Variants in PRR16 observed in about 807,000 individuals in gnomAD.
The protein encoded by PRR16 is proline rich 16, also known as protein Largen.
In PRR16, 6 loss-of-function variants were observed where a neutral mutation model predicts 18.2. That is an observed-to-expected ratio of 0.33 (90% confidence interval 0.18 to 0.65). The LOEUF (loss-of-function observed/expected upper bound fraction) is 0.65, where lower values mean the gene tolerates loss of function less well. Among genes scored for constraint, PRR16 ranks in the 30% least tolerant of loss-of-function variants. PRR16 has a pLI of 0.74. For missense variants in PRR16, 412 were observed against 376.6 expected (o/e 1.09, Z -0.78); for synonymous variants, 151 against 147.8 (o/e 1.02, Z -0.16).
At chr5:120,688,384 G>T (rs538068011), downstream of PRR16, among the ~76,000 whole-genome samples, 1 of 152,214 alleles carries the variant, frequency 6.6e-6, no homozygotes, top group South Asian at 2.1e-4. Context: ...TAATCAGAAA[G>T]TTACAAAACA....
chr5:120,709,833 A>G, the PRR16 span, among the ~76,000 whole-genome samples: 12 of 152,210 alleles, frequency 7.9e-5, no homozygotes, highest in Non-Finnish European at 1.3e-4. Flanking sequence ...TTATTGCTCA[A>G]TAATATTCCA....
intron 1 of PRR16, among the ~76,000 whole-genome samples, chr5:120,593,202 T>C (rs1753693876): frequency 6.6e-6 from 1 of 151,770 alleles, no homozygotes; most frequent in Non-Finnish European, 1.5e-5. Context: ...GGAAAAACCA[T>C]ACAAAAGATG....
chr5:120,744,569 G>T, the PRR16 span, among the ~76,000 whole-genome samples: 1 of 152,168 alleles, frequency 6.6e-6, no homozygotes. Context: ...TGGCCCAGCA[G>T]TTACAATATT....
chr5:120,698,094 C>T, the PRR16 span, among the ~76,000 whole-genome samples: 8,860 of 151,832 alleles, frequency 0.058, 324 homozygotes, highest in South Asian at 0.088. Context: ...ATTGTTGGGG[C>T]GGCGAAAACT....
chr5:120,559,303 A>G (rs906475328), intron 1 of PRR16, among the ~76,000 whole-genome samples: 1 of 151,936 alleles, frequency 6.6e-6, no homozygotes, highest in African/African-American at 2.4e-5. Flanking sequence ...TCTTTAATCC[A>G]TTTTGATTGG....
At chr5:120,537,435 C>CACATG (rs1253903927) in intron 1 of PRR16, among the ~76,000 whole-genome samples, 1 of 152,122 alleles carries the variant, frequency 6.6e-6, no homozygotes, top group Non-Finnish European at 1.5e-5. Flanking sequence ...TACTACAGTA[C>CACATG]ACATGTTGCA....
At chr5:120,697,524 G>C in the PRR16 span, among the ~76,000 whole-genome samples, 1 of 152,108 alleles carries the variant, frequency 6.6e-6, no homozygotes, top group South Asian at 2.1e-4. Context: ...TTTTAGTATG[G>C]TTATGTTCAG....
the PRR16 span, among the ~76,000 whole-genome samples, chr5:120,775,014 T>A: frequency 6.6e-6 from 1 of 152,160 alleles, no homozygotes; most frequent in Non-Finnish European, 1.5e-5. Context: ...AGGCATTGTT[T>A]TTCCGCACAT....
the PRR16 span, among the ~76,000 whole-genome samples, chr5:120,708,742 T>G: frequency 6.6e-6 from 1 of 152,126 alleles, no homozygotes; most frequent in Admixed American, 6.5e-5. Flanking sequence ...TAAGTTTACA[T>G]GCACAACTTA....
chr5:120,578,636 C>T (rs1753160987), intron 1 of PRR16, among the ~76,000 whole-genome samples: 1 of 152,152 alleles, frequency 6.6e-6, no homozygotes, highest in South Asian at 2.1e-4. Context: ...TTTTCTTTAT[C>T]CAGTCTATCA....
chr5:120,762,052 G>A, the PRR16 span, among the ~76,000 whole-genome samples: 8,250 of 152,078 alleles, frequency 0.054, 428 homozygotes, highest in African/African-American at 0.13. Context: ...CAGAATTTCA[G>A]TCTTTTTTAT....
At chr5:120,658,234 C>T (rs746819688) in intron 1 of PRR16, 2 of 151,676 alleles carry the variant, frequency 1.3e-5, no homozygotes, top group East Asian at 1.9e-4. Flanking sequence ...AGCTCACAGT[C>T]GGGTAACTCT....
chr5:120,727,044 A>G, the PRR16 span, among the ~76,000 whole-genome samples: 1 of 152,102 alleles, frequency 6.6e-6, no homozygotes, highest in African/African-American at 2.4e-5. Flanking sequence ...GCTTTCTTTC[A>G]AGCCAATGGC....
At chr5:120,765,348 C>G in the PRR16 span, among the ~76,000 whole-genome samples, 1 of 151,986 alleles carries the variant, frequency 6.6e-6, no homozygotes, top group African/African-American at 2.4e-5. Flanking sequence ...TTGGAAGTCT[C>G]TTACGTGTAT....
At chr5:120,667,252 G>A (rs1448907388) in intron 1 of PRR16, among the ~76,000 whole-genome samples, 1 of 151,690 alleles carries the variant, frequency 6.6e-6, no homozygotes, top group Non-Finnish European at 1.5e-5. Context: ...AGAGGTGTTT[G>A]TAGTATTCTC....
chr5:120,632,805 T>G (rs1456795264), intron 1 of PRR16, among the ~76,000 whole-genome samples: 1 of 152,158 alleles, frequency 6.6e-6, no homozygotes, highest in Non-Finnish European at 1.5e-5. Flanking sequence ...GGAAAACATA[T>G]TTGAAGGAAT....
chr5:120,634,748 G>C (rs758486620), intron 1 of PRR16, among the ~76,000 whole-genome samples: 2 of 151,982 alleles, frequency 1.3e-5, no homozygotes, highest in East Asian at 3.9e-4. Context: ...CAGAAGAAAA[G>C]AAATAACAAA....
intron 1 of PRR16, among the ~76,000 whole-genome samples, chr5:120,632,754 A>C (rs1328005711): frequency 6.6e-6 from 1 of 152,226 alleles, no homozygotes; most frequent in Non-Finnish European, 1.5e-5. Flanking sequence ...AAACCTAAGA[A>C]TAATCAGTGT....
the PRR16 span, among the ~76,000 whole-genome samples, chr5:120,763,949 G>T: frequency 1.6e-4 from 25 of 152,096 alleles, no homozygotes; most frequent in Admixed American, 1.6e-3. Flanking sequence ...AGGTCTCAGA[G>T]ATTTTTGGTG....
Sources: allele counts gnomAD v4.1 joint callset (sites outside exome capture counted in the v4.1 genomes callset), GRCh38; gene constraint gnomAD v4.1.1; transcripts MANE v1.5; gene names NCBI Gene and HGNC (gene_info 2026-07-23, HGNC 2026-07-21).